Variants in LRRTM4 observed in about 807,000 individuals in gnomAD.
The protein encoded by LRRTM4 is leucine-rich repeat transmembrane neuronal protein 4.
In LRRTM4, 25 loss-of-function variants were observed where a neutral mutation model predicts 47.6. The ratio of observed to expected loss-of-function variants is 0.53; its 90% CI spans 0.38 to 0.73. LRRTM4 has a LOEUF of 0.73. Among genes scored for constraint, LRRTM4 ranks in the 30% least tolerant of loss-of-function variants. The pLI, the probability that LRRTM4 is intolerant of heterozygous loss-of-function variation, is 0.00. For synonymous variants in LRRTM4, 311 were observed against 269.5 expected (o/e 1.15, Z -1.51); for missense variants, 638 against 713.4 (o/e 0.89, Z 1.20).
chr2:77,349,233 T>C (rs1433283671), intron 3 of LRRTM4, among the ~76,000 whole-genome samples: 3 of 151,774 alleles, frequency 2.0e-5, no homozygotes, highest in South Asian at 2.1e-4. Context: ...ATAAAGTAAA[T>C]ACATTAAAAA....
chr2:76,981,627 G>A (rs953349438), intron 3 of LRRTM4, among the ~76,000 whole-genome samples: 16 of 151,936 alleles, frequency 1.1e-4, no homozygotes, highest in Admixed American at 2.0e-4. Flanking sequence ...CTGAAGCCTG[G>A]AACTACAGGG....
intron 3 of LRRTM4, among the ~76,000 whole-genome samples, chr2:77,257,898 C>A (rs1423358159): frequency 6.6e-6 from 1 of 151,856 alleles, no homozygotes; most frequent in Admixed American, 6.6e-5. Context: ...AGTTCGAGAC[C>A]AGCCTGACCA....
chr2:77,141,673 G>T (rs13432381), intron 3 of LRRTM4, among the ~76,000 whole-genome samples: 2,777 of 152,226 alleles, frequency 0.018, 79 homozygotes, highest in African/African-American at 0.061. Context: ...TTCAATGTAG[G>T]TAGAGGACTC....
chr2:76,755,492 A>G (rs887486436), intron 3 of LRRTM4, among the ~76,000 whole-genome samples: 3 of 152,212 alleles, frequency 2.0e-5, no homozygotes, highest in Non-Finnish European at 4.4e-5. Flanking sequence ...TCACCAAACC[A>G]AAACTCTTAG....
intron 3 of LRRTM4, among the ~76,000 whole-genome samples, chr2:77,204,367 AATG>A (rs1241682772): frequency 6.6e-6 from 1 of 151,988 alleles, no homozygotes; most frequent in Non-Finnish European, 1.5e-5. Flanking sequence ...TGATGATGAC[AATG>A]ATGATGATGG....
intron 3 of LRRTM4, among the ~76,000 whole-genome samples, chr2:76,968,367 T>TAC (rs1273178390): frequency 6.3e-5 from 8 of 126,962 alleles, no homozygotes; most frequent in African/African-American, 1.7e-4. Flanking sequence ...TATATATATA[T>TAC]ATATATATAT....
At chr2:77,024,767 A>T (rs1412334332) in intron 3 of LRRTM4, among the ~76,000 whole-genome samples, 1 of 152,188 alleles carries the variant, frequency 6.6e-6, no homozygotes, top group Non-Finnish European at 1.5e-5. Context: ...ATGCTTGTAA[A>T]AGTATATAGT....
chr2:76,937,811 C>T (rs1374058335), intron 3 of LRRTM4, among the ~76,000 whole-genome samples: 3 of 152,066 alleles, frequency 2.0e-5, no homozygotes, highest in Non-Finnish European at 2.9e-5. Flanking sequence ...CGTGATCCGC[C>T]CACCTCAGGC....
chr2:77,411,618 A>AT (rs1222177148), intron 3 of LRRTM4, among the ~76,000 whole-genome samples: 2,268 of 64,808 alleles, frequency 0.035, 244 homozygotes, highest in African/African-American at 0.13. Flanking sequence ...ATGCCCGGCT[A>AT]TTTTTTTTTT....
chr2:77,029,062 TATATATATA>T (rs1413325426), intron 3 of LRRTM4, among the ~76,000 whole-genome samples: 3 of 145,624 alleles, frequency 2.1e-5, no homozygotes, highest in Admixed American at 6.9e-5. Context: ...AATATATATA[TATATATATA>T]ATATATATAT....
rs147751805 is a variant in LRRTM4 at position 77,077,700 on chromosome 2, A to G, written c.1552-328784T>C. 3.7e-3 allele frequency among the ~76,000 whole-genome samples: 560 copies of G among 152,280 alleles called. 7 individuals are homozygous for G. The highest frequency in any genetic ancestry group is 0.012 in the African/African-American group (514 of 41,558). On this transcript the variant is annotated intron_variant, in intron 3 of 3. Transcript: ENST00000409884. ...TCCTGGGAAATTATGGAGAATGGGA[A>G]TAACTAGCTCTAAAACATAGAGTAT...
chr2:76,950,465 A>C (rs1279215434), intron 3 of LRRTM4, among the ~76,000 whole-genome samples: 1 of 151,996 alleles, frequency 6.6e-6, no homozygotes, highest in East Asian at 1.9e-4. Flanking sequence ...AAAGGGAGTT[A>C]TTTAAGAAAA....
At chr2:76,753,605 G>A (rs1316914722) in intron 3 of LRRTM4, among the ~76,000 whole-genome samples, 5 of 152,110 alleles carry the variant, frequency 3.3e-5, no homozygotes, top group Non-Finnish European at 7.4e-5. Flanking sequence ...GGGGTTCATA[G>A]TGTTAGTAAT....
At chr2:77,345,289 A>G (rs2104284752) in intron 3 of LRRTM4, among the ~76,000 whole-genome samples, 1 of 152,012 alleles carries the variant, frequency 6.6e-6, no homozygotes, top group South Asian at 2.1e-4. Context: ...TATTTTTAAA[A>G]TTGGTAAACG....
intron 3 of LRRTM4, among the ~76,000 whole-genome samples, chr2:77,411,618 ATTTTTT>A (rs1222177148): frequency 3.1e-5 from 2 of 64,810 alleles, no homozygotes; most frequent in African/African-American, 1.3e-4. Context: ...ATGCCCGGCT[ATTTTTT>A]TTTTTTTTTT....
intron 3 of LRRTM4, among the ~76,000 whole-genome samples, chr2:77,434,023 G>A (rs1448932492): frequency 6.6e-6 from 1 of 152,188 alleles, no homozygotes; most frequent in Non-Finnish European, 1.5e-5. Flanking sequence ...TGCGGTTCTA[G>A]ACTTCCCAGC....
chr2:76,828,439 C>G (rs997596220), intron 3 of LRRTM4, among the ~76,000 whole-genome samples: 1 of 151,950 alleles, frequency 6.6e-6, no homozygotes, highest in African/African-American at 2.4e-5. Flanking sequence ...CTCTTGACTT[C>G]ATGTGCTTTG....
chr2:76,748,290 C>A lies in LRRTM4; in HGVS notation c.*405G>T. 2.4e-5 allele frequency: 4 copies of A among 163,802 alleles called. No individual in the cohort carries two copies. The highest frequency in any genetic ancestry group is 4.0e-5 in the Non-Finnish European group (3 of 75,312). The allele number at this position is 163,802 out of a possible 1,614,324, so 10.1% of individuals were successfully genotyped here. ...CACCTAAAGAGGAAAACGGTTGTTTCCCTAGCTTCCCACCCACCCCTGTTT... is the reference window on the plus strand; with the variant it reads ...CACCTAAAGAGGAAAACGGTTGTTTACCTAGCTTCCCACCCACCCCTGTTT... On this transcript the variant is annotated 3_prime_UTR_variant, in exon 4 of 4. Transcript: ENST00000409884.
rs185051256 is a variant in LRRTM4, at chr2:77,430,368, A to G, written c.1551+87950T>C. Among the ~76,000 whole-genome samples, 41 of 152,286 alleles carry G rather than the reference A, an allele frequency of 2.7e-4. 1 individual carries two copies. The highest frequency in any genetic ancestry group is 3.4e-3 in the Middle Eastern group (1 of 294). ...TTAAAATTAGCATCTTTCTTATTCA[A>G]TTCTGGCTGTTATAATAAGACATTT... On this transcript the variant is annotated intron_variant, in intron 3 of 3. Coordinates refer to ENST00000409884, the MANE Select transcript of LRRTM4 (RefSeq NM_001134745.3).
Sources: allele counts gnomAD v4.1 joint callset (sites outside exome capture counted in the v4.1 genomes callset), GRCh38; gene constraint gnomAD v4.1.1; transcripts MANE v1.5; gene names NCBI Gene and HGNC (gene_info 2026-07-23, HGNC 2026-07-21).